The following AKAP19 variants were observed in gnomAD, a reference collection of about 807,000 sequenced individuals.
AKAP19 encodes the protein small A-kinase anchoring protein.
At chr2:189,947,807 C>G in the AKAP19 span, among the ~76,000 whole-genome samples, 1 of 152,040 alleles carries the variant, frequency 6.6e-6, no homozygotes, top group African/African-American at 2.4e-5. Flanking sequence ...TTAGTGATTT[C>G]CGATTCTAAC....
chr2:190,065,814 A>G, the AKAP19 span, among the ~76,000 whole-genome samples: 1 of 152,194 alleles, frequency 6.6e-6, no homozygotes, highest in Non-Finnish European at 1.5e-5. Context: ...TCTCTAGAGA[A>G]CAGTATTGAA....
At chr2:190,113,110 A>C in the AKAP19 span, among the ~76,000 whole-genome samples, 1,468 of 152,030 alleles carry the variant, frequency 9.7e-3, 30 homozygotes, top group African/African-American at 0.033. Context: ...ATTCTCTCAT[A>C]ATTTAAGAAA....
the AKAP19 span, among the ~76,000 whole-genome samples, chr2:190,114,518 C>T: frequency 2.6e-5 from 4 of 152,196 alleles, no homozygotes; most frequent in African/African-American, 7.2e-5. Flanking sequence ...TCCAGTGGCG[C>T]GATCTCGGCT....
At chr2:190,129,816 G>T in the AKAP19 span, among the ~76,000 whole-genome samples, 1 of 152,100 alleles carries the variant, frequency 6.6e-6, no homozygotes, top group African/African-American at 2.4e-5. Context: ...TATCTCTAAA[G>T]AGAACTGGCT....
chr2:189,896,073 A>C, the AKAP19 span, among the ~76,000 whole-genome samples: 1 of 151,912 alleles, frequency 6.6e-6, no homozygotes, highest in Non-Finnish European at 1.5e-5. Context: ...TCTCACATTC[A>C]TTGTGTTCTT....
the AKAP19 span, among the ~76,000 whole-genome samples, chr2:190,038,946 CT>C: frequency 8.1e-4 from 117 of 145,018 alleles, 2 homozygotes; most frequent in African/African-American, 2.6e-3. Context: ...TCTTCTTCTT[CT>C]TCTTCTTCTT....
the AKAP19 span, among the ~76,000 whole-genome samples, chr2:189,948,531 C>T: frequency 2.0e-5 from 3 of 152,208 alleles, no homozygotes; most frequent in Admixed American, 1.3e-4. Flanking sequence ...TTCAGTCTGT[C>T]TCTTCTAGGC....
At chr2:190,178,672 G>A in the AKAP19 span, among the ~76,000 whole-genome samples, 3 of 152,310 alleles carry the variant, frequency 2.0e-5, no homozygotes, top group East Asian at 3.9e-4. The surrounding 1 kb of genome is among the most constrained non-coding windows in gnomAD (Gnocchi z 6.3). Flanking sequence ...TGTAGGCCTC[G>A]CTCCCTCATG....
the AKAP19 span, among the ~76,000 whole-genome samples, chr2:189,903,117 A>G: frequency 6.6e-6 from 1 of 151,960 alleles, no homozygotes; most frequent in Non-Finnish European, 1.5e-5. Flanking sequence ...ATGGAAAATC[A>G]GAGAGTAAAA....
chr2:190,184,155 G>A, the AKAP19 span, among the ~76,000 whole-genome samples: 3 of 152,148 alleles, frequency 2.0e-5, no homozygotes, highest in African/African-American at 7.2e-5. Context: ...TTCCTTGTAA[G>A]TTAAAAGTTG....
the AKAP19 span, among the ~76,000 whole-genome samples, chr2:190,085,072 C>T: frequency 6.6e-6 from 1 of 152,174 alleles, no homozygotes; most frequent in Non-Finnish European, 1.5e-5. Flanking sequence ...ATTGCCAGAC[C>T]ACATGGCATT....
At chr2:190,047,727 C>A in the AKAP19 span, among the ~76,000 whole-genome samples, 2 of 152,208 alleles carry the variant, frequency 1.3e-5, no homozygotes, top group African/African-American at 4.8e-5. Flanking sequence ...TGTTCTTGTG[C>A]CCTCCTTTTC....
the AKAP19 span, among the ~76,000 whole-genome samples, chr2:190,129,850 G>T: frequency 3.3e-5 from 5 of 152,178 alleles, no homozygotes; most frequent in Non-Finnish European, 7.4e-5. Context: ...TGGACCTGGT[G>T]AGACAGGCCT....
the AKAP19 span, among the ~76,000 whole-genome samples, chr2:189,903,752 A>G: frequency 6.6e-6 from 1 of 151,978 alleles, no homozygotes; most frequent in Non-Finnish European, 1.5e-5. Context: ...GGTAGGCAAT[A>G]TAGTACCCAA....
chr2:189,975,165 G>A, the AKAP19 span, among the ~76,000 whole-genome samples: 2 of 152,060 alleles, frequency 1.3e-5, no homozygotes, highest in Admixed American at 1.3e-4. Flanking sequence ...AACTTTTGTA[G>A]GGCAGGCCTG....
chr2:189,917,009 G>T, the AKAP19 span, among the ~76,000 whole-genome samples: 1 of 152,052 alleles, frequency 6.6e-6, no homozygotes, highest in East Asian at 1.9e-4. Flanking sequence ...GGATTTGGGG[G>T]TGGGGATACT....
At chr2:190,012,153 C>A in the AKAP19 span, among the ~76,000 whole-genome samples, 4 of 152,078 alleles carry the variant, frequency 2.6e-5, no homozygotes, top group African/African-American at 9.7e-5. Flanking sequence ...TCTTTTGAGA[C>A]AGGATCTGGC....
At chr2:189,992,849 T>C in the AKAP19 span, among the ~76,000 whole-genome samples, 1 of 152,206 alleles carries the variant, frequency 6.6e-6, no homozygotes, top group African/African-American at 2.4e-5. Context: ...GTGCTACTGA[T>C]TTTTGTACAT....
the AKAP19 span, among the ~76,000 whole-genome samples, chr2:189,994,037 A>T: frequency 3.6e-5 from 5 of 137,062 alleles, no homozygotes; most frequent in African/African-American, 8.2e-5. Flanking sequence ...TTTGAGTTGG[A>T]GTCTTGCTCT....
Sources: gnomAD v4.1 joint callset for allele counts (sites outside exome capture counted in the v4.1 genomes callset) on GRCh38, gnomAD v4.1.1 for gene constraint, Gnocchi (gnomAD v3.1) non-coding constraint, MANE v1.5 for transcripts, NCBI Gene and HGNC (gene_info 2026-07-23, HGNC 2026-07-21) for gene names.